The following ATP6V0A1 variants were observed in gnomAD, a reference collection of about 807,000 sequenced individuals.
ATP6V0A1 encodes V-type proton ATPase 116 kDa subunit a 1.
ATP6V0A1 carries 43 observed loss-of-function variants against 105.4 expected under a neutral mutation model. The ratio of observed to expected loss-of-function variants is 0.41; its 90% CI spans 0.32 to 0.53. ATP6V0A1 has a LOEUF of 0.53. Among genes scored for constraint, ATP6V0A1 ranks in the 20% least tolerant of loss-of-function variants. ATP6V0A1 has a pLI of 0.30. For missense variants in ATP6V0A1, 676 were observed against 1,051.1 expected (o/e 0.64, Z 4.93); for synonymous variants, 362 against 372.8 (o/e 0.97, Z 0.33).
chr17:42,493,949 T>G (rs1360852927), intron 11 of ATP6V0A1, among the ~76,000 whole-genome samples: 2 of 152,100 alleles, frequency 1.3e-5, no homozygotes, highest in Non-Finnish European at 2.9e-5. Flanking sequence ...ATATTGATCT[T>G]AAGATTATGG....
intron 9 of ATP6V0A1, among the ~76,000 whole-genome samples, chr17:42,483,862 G>A (rs533467048): frequency 3.9e-5 from 6 of 152,154 alleles, no homozygotes; most frequent in Admixed American, 1.3e-4. Context: ...GATTACAAGT[G>A]TGAATCACTG....
Position 42,490,522 on chromosome 17 carries a change from C to A in ATP6V0A1, c.1059C>A (p.Asn353Lys). The change falls in exon 11 of 22, where the codon AAC becomes AAA. Residue 353 changes from asparagine to lysine, a missense_variant. Physicochemically the swap from Asn to Lys is moderately conservative, Grantham distance 94. This residue lies in a region of ATP6V0A1 where 435 missense variants were observed against 642.2 expected (regional missense o/e 0.68). Transcript: ENST00000343619. ...HSGSTVPSIL[N>K]RMQTNQTPPT... ...GTTCCACTGTACCTTCCATTTTGAA[C>A]AGGATGCAGACAAACCAGACTCCCC... 6.2e-7 allele frequency: 1 copy of A among 1,610,242 alleles called. No homozygotes were observed. The highest frequency in any genetic ancestry group is 8.5e-7 in the Non-Finnish European group (1 of 1,178,872).
intron 15 of ATP6V0A1, among the ~76,000 whole-genome samples, chr17:42,499,713 AG>A (rs2091507992): frequency 6.7e-6 from 1 of 149,226 alleles, no homozygotes; most frequent in African/African-American, 2.5e-5. Context: ...GCTTGAACCC[AG>A]GAGGCAGAGG....
intron 1 of ATP6V0A1, among the ~76,000 whole-genome samples, chr17:42,459,375 G>A (rs1254648111): frequency 6.6e-6 from 1 of 152,206 alleles, no homozygotes; most frequent in Non-Finnish European, 1.5e-5. Flanking sequence ...GGCGAGGACC[G>A]GATGACAGGA....
At chr17:42,520,858 C>A in intron 21 of ATP6V0A1, 169 bp from the exon 22 acceptor site, 1 of 651,614 alleles carries the variant, frequency 1.5e-6, no homozygotes, top group East Asian at 2.6e-5. Context: ...ACTCTTGATC[C>A]CAGGCCTTAA....
chr17:42,471,015 C>A (rs781719008), intron 5 of ATP6V0A1: 1 of 151,942 alleles, frequency 6.6e-6, no homozygotes, highest in African/African-American at 2.4e-5. Context: ...CCCAGCTACT[C>A]GAGAGGCTGA....
chr17:42,507,241 C>T (rs1599066226), intron 17 of ATP6V0A1: 3 of 323,060 alleles, frequency 9.3e-6, no homozygotes, highest in South Asian at 7.6e-5. Context: ...TTAGTGTTGA[C>T]CCAGGTGAGG....
intron 9 of ATP6V0A1, among the ~76,000 whole-genome samples, chr17:42,486,007 C>T (rs2090072460): frequency 6.6e-6 from 1 of 152,194 alleles, no homozygotes; most frequent in Non-Finnish European, 1.5e-5. Flanking sequence ...GTAGTTACTG[C>T]TTTGTTCTGA....
At chr17:42,508,665 C>T in intron 19 of ATP6V0A1, 76 bp downstream of exon 19, 1 of 1,586,652 alleles carries the variant, frequency 6.3e-7, no homozygotes, top group Middle Eastern at 1.7e-4. Flanking sequence ...CTCTGCTGAC[C>T]CTGCCACACC....
rs202047387 is a variant in ATP6V0A1, at chr17:42,462,752, AT to A, written c.117+1750del. 9.3e-3 allele frequency among the ~76,000 whole-genome samples: 1,408 copies of A among 151,122 alleles called. 31 individuals carry two copies. Among genetic ancestry groups the A allele is most frequent in the African/African-American group, 0.032 (1,330 of 41,206 alleles). ...ATTTCAGTTTCTTCTAGTTCTGTTA[AT>A]TTTTTTTTAATAATAAAATTTATAA... On this transcript the variant is annotated intron_variant, in intron 2 of 21. Transcript: ENST00000343619.
intron 5 of ATP6V0A1, chr17:42,471,128 A>G (rs183695071): frequency 9.5e-5 from 14 of 146,668 alleles, no homozygotes; most frequent in African/African-American, 2.8e-4. Flanking sequence ...ATCTCAAAAA[A>G]AAAAAATGTA....
intron 5 of ATP6V0A1, among the ~76,000 whole-genome samples, chr17:42,472,348 C>G (rs975636254): frequency 6.6e-6 from 1 of 152,026 alleles, no homozygotes; most frequent in Non-Finnish European, 1.5e-5. Flanking sequence ...GCCACTGTGC[C>G]TGGTAGAGTC....
At chr17:42,461,121 C>A in intron 2 of ATP6V0A1, 110 bp downstream of exon 2, 1 of 874,344 alleles carries the variant, frequency 1.1e-6, no homozygotes, top group South Asian at 1.5e-5. Context: ...AACATTATAG[C>A]ACTGACTTCC....
intron 17 of ATP6V0A1, among the ~76,000 whole-genome samples, chr17:42,503,090 G>T (rs975034284): frequency 4.6e-5 from 7 of 152,132 alleles, no homozygotes; most frequent in Non-Finnish European, 1.0e-4. Context: ...AAAAATGTAA[G>T]TACAGGCATG....
chr17:42,501,124 C>T (rs1277326059), intron 16 of ATP6V0A1, 73 bp from the exon 17 acceptor site: 2 of 1,291,178 alleles, frequency 1.5e-6, no homozygotes, highest in Non-Finnish European at 2.2e-6. Context: ...GAAATTTGTG[C>T]CATATTTGGA....
intron 3 of ATP6V0A1, 94 bp downstream of exon 3, chr17:42,466,601 A>G (rs1008925408): frequency 5.5e-5 from 61 of 1,118,944 alleles, no homozygotes; most frequent in South Asian, 1.1e-4. Flanking sequence ...AGAAAATGTT[A>G]TAAGAGAAAA....
intron 3 of ATP6V0A1, among the ~76,000 whole-genome samples, chr17:42,467,458 T>C (rs912984163): frequency 7.2e-5 from 11 of 152,302 alleles, no homozygotes; most frequent in African/African-American, 2.6e-4. Context: ...ACAGTTGTAG[T>C]TGTTACCTGA....
chr17:42,482,864 C>T (rs146682704), intron 8 of ATP6V0A1, among the ~76,000 whole-genome samples, 174 bp from the exon 9 acceptor site: 50 of 148,624 alleles, frequency 3.4e-4, no homozygotes, highest in African/African-American at 1.1e-3. Flanking sequence ...CCACTTCACT[C>T]CAGCCTGGGT....
intron 14 of ATP6V0A1, among the ~76,000 whole-genome samples, chr17:42,498,236 CAATA>C (rs570097007): frequency 1.4e-4 from 22 of 152,004 alleles, no homozygotes; most frequent in African/African-American, 3.6e-4. Context: ...AATTCCATCT[CAATA>C]AATAAATAAA....
Sources: gnomAD v4.1 joint callset for allele counts (sites outside exome capture counted in the v4.1 genomes callset) on GRCh38, gnomAD v4.1.1 for gene constraint, gnomAD v4.1.1 regional missense constraint, MANE v1.5 for transcripts, NCBI Gene and HGNC (gene_info 2026-07-23, HGNC 2026-07-21) for gene names.